The following FBXL7 variants were observed in gnomAD, a reference collection of about 807,000 sequenced individuals.
FBXL7 encodes the protein F-box/LRR-repeat protein 7.
FBXL7 carries 12 observed loss-of-function variants against 38.3 expected under a neutral mutation model. The ratio of observed to expected loss-of-function variants is 0.31; its 90% CI spans 0.20 to 0.51. The LOEUF (loss-of-function observed/expected upper bound fraction) is 0.51, where lower values mean the gene tolerates loss of function less well. Among genes scored for constraint, FBXL7 ranks in the 20% least tolerant of loss-of-function variants. FBXL7 has a pLI of 0.98. For synonymous variants in FBXL7, 297 were observed against 300.9 expected, an observed-to-expected ratio of 0.99 and a Z score of 0.13; for missense variants, 567 against 676.4, an observed-to-expected ratio of 0.84 and a Z score of 1.79.
chr5:15,796,477 A>G (rs1737418837), intron 2 of FBXL7, among the ~76,000 whole-genome samples: 1 of 104,330 alleles, frequency 9.6e-6, no homozygotes. Context: ...ATCTTGTTAC[A>G]GAAAAAAAAA....
In FBXL7 at chr5:15,505,775, AG is replaced by A. The variant is rs1225408485; in HGVS notation, c.37+5064del. Among the ~76,000 whole-genome samples, 3 of 152,318 alleles carry A rather than the reference AG, an allele frequency of 2.0e-5. No individual in the cohort carries two copies. The East Asian group carries it at 5.8e-4, about 29-fold the overall frequency. ...ATGATGGGCTGAGCTTTGAGGATCC[AG>A]GTAGCATGCTGGCTGCTACTTTTAA... On this transcript the variant is annotated intron_variant, in intron 1 of 3. Coordinates refer to ENST00000504595, the MANE Select transcript of FBXL7 (RefSeq NM_012304.5).
At chr5:15,610,898 CAAAAG>C (rs1331605298) in intron 1 of FBXL7, among the ~76,000 whole-genome samples, 1 of 152,082 alleles carries the variant, frequency 6.6e-6, no homozygotes, top group East Asian at 1.9e-4. Context: ...GCTGAAGAAA[CAAAAG>C]AAACTACAAT....
In FBXL7 at chr5:15,904,924, C is replaced by T. The variant is rs531351730; in HGVS notation, c.128-22966C>T. On this transcript the variant is annotated intron_variant, in intron 2 of 3. Coordinates refer to ENST00000504595, the MANE Select transcript of FBXL7 (RefSeq NM_012304.5). Reference sequence around the variant, plus strand: ...GTAGTATGTAAAATATCAACATAAACGATGAGCCAGAATCCACCATTCTTT... The same window carrying T: ...GTAGTATGTAAAATATCAACATAAATGATGAGCCAGAATCCACCATTCTTT... Among the ~76,000 whole-genome samples the T allele has an allele frequency of 5.3e-5, 8 of 152,198 alleles. No individual in the cohort carries two copies. In the East Asian group the frequency reaches 1.4e-3, roughly 26 times the overall value.
rs528038310 is a variant in FBXL7 at position 15,905,561 on chromosome 5, A to T, written c.128-22329A>T. Among the ~76,000 whole-genome samples, 7 of 151,450 alleles carry T rather than the reference A, an allele frequency of 4.6e-5. No individual in the cohort carries two copies. In the South Asian group the frequency reaches 1.3e-3, roughly 27 times the overall value. On this transcript the variant is annotated intron_variant, in intron 2 of 3. Transcript: ENST00000504595. ...TGTATCTTCAGTCCTCTTTGCTTTTACTAATTTAACAGAGAGATATTTAAA... is the reference window on the plus strand; with the variant it reads ...TGTATCTTCAGTCCTCTTTGCTTTTTCTAATTTAACAGAGAGATATTTAAA...
At chr5:15,770,193 G>A (rs1736691999) in intron 2 of FBXL7, among the ~76,000 whole-genome samples, 1 of 152,120 alleles carries the variant, frequency 6.6e-6, no homozygotes, top group Non-Finnish European at 1.5e-5. Context: ...TTGTGTCCTG[G>A]TGTCCACTTG....
At chr5:15,900,188 A>G (rs1414779951) in intron 2 of FBXL7, among the ~76,000 whole-genome samples, 2 of 152,156 alleles carry the variant, frequency 1.3e-5, no homozygotes, top group Non-Finnish European at 2.9e-5. Flanking sequence ...CTGTACAAAC[A>G]CTGGATCCAG....
chr5:15,569,801 C>T (rs540735309), intron 1 of FBXL7, among the ~76,000 whole-genome samples: 7 of 152,042 alleles, frequency 4.6e-5, no homozygotes, highest in East Asian at 3.9e-4. Context: ...TAGCATGAAG[C>T]GTTGTTGAAT....
intron 2 of FBXL7, among the ~76,000 whole-genome samples, chr5:15,887,270 C>T (rs1740716000): frequency 6.6e-6 from 1 of 152,068 alleles, no homozygotes; most frequent in African/African-American, 2.4e-5. Context: ...TTTATGACAG[C>T]ACAAAAGAGC....
intron 2 of FBXL7, among the ~76,000 whole-genome samples, chr5:15,738,084 G>A (rs1213640562): frequency 6.6e-6 from 1 of 152,122 alleles, no homozygotes; most frequent in African/African-American, 2.4e-5. Flanking sequence ...ACTTGTTTGG[G>A]AGGCACCGTA....
At chr5:15,694,448 A>G (rs1054868056) in intron 2 of FBXL7, among the ~76,000 whole-genome samples, 3 of 152,190 alleles carry the variant, frequency 2.0e-5, no homozygotes, top group African/African-American at 7.2e-5. Context: ...GGTAATGACA[A>G]TGCTGAGATG....
intron 2 of FBXL7, among the ~76,000 whole-genome samples, chr5:15,829,703 G>A (rs1262548987): frequency 6.6e-6 from 1 of 152,108 alleles, no homozygotes; most frequent in African/African-American, 2.4e-5. Flanking sequence ...TCCTCACTCA[G>A]TCTGTATTTT....
chr5:15,770,053 A>G (rs1462298600), intron 2 of FBXL7, among the ~76,000 whole-genome samples: 1 of 152,204 alleles, frequency 6.6e-6, no homozygotes, highest in Non-Finnish European at 1.5e-5. Flanking sequence ...ATTATAATTT[A>G]ATGATCCATA....
intron 1 of FBXL7, among the ~76,000 whole-genome samples, chr5:15,598,697 CAG>C (rs1344662856): frequency 2.0e-5 from 3 of 151,990 alleles, no homozygotes; most frequent in African/African-American, 7.3e-5. Context: ...TGGTTATATC[CAG>C]AGAGAGAGAA....
intron 1 of FBXL7, among the ~76,000 whole-genome samples, chr5:15,509,179 A>G (rs1192772566): frequency 6.6e-6 from 1 of 152,242 alleles, no homozygotes; most frequent in African/African-American, 2.4e-5. Context: ...ACTTTTGTAT[A>G]GCACAGGGTC....
At chr5:15,810,146 T>C (rs1278054487) in intron 2 of FBXL7, among the ~76,000 whole-genome samples, 1 of 152,228 alleles carries the variant, frequency 6.6e-6, no homozygotes, top group Admixed American at 6.5e-5. Context: ...AGTTAAAATA[T>C]TCAAAATTGA....
chr5:15,568,756 T>G (rs1738671795), intron 1 of FBXL7, among the ~76,000 whole-genome samples: 1 of 152,192 alleles, frequency 6.6e-6, no homozygotes, highest in Admixed American at 6.5e-5. Context: ...CATCTTGAAT[T>G]AATTTTTGTA....
intron 1 of FBXL7, chr5:15,606,811 CT>C (rs1740040982): frequency 6.6e-6 from 1 of 152,188 alleles, no homozygotes; most frequent in African/African-American, 2.4e-5. Context: ...AAACAGAGTG[CT>C]TAGGATTCTC....
intron 2 of FBXL7, among the ~76,000 whole-genome samples, chr5:15,918,538 A>T (rs1162003873): frequency 6.6e-6 from 1 of 152,254 alleles, no homozygotes; most frequent in Non-Finnish European, 1.5e-5. Context: ...CTGTATGAAT[A>T]TTCCCTTCTA....
intron 2 of FBXL7, among the ~76,000 whole-genome samples, chr5:15,801,656 TGCGCGCGCGC>T (rs200772597): frequency 6.8e-6 from 1 of 146,914 alleles, no homozygotes; most frequent in African/African-American, 2.5e-5. Context: ...TGTGTGTGTG[TGCGCGCGCGC>T]GTGTGTGTGT....
Sources: allele counts gnomAD v4.1 joint callset (sites outside exome capture counted in the v4.1 genomes callset), GRCh38; gene constraint gnomAD v4.1.1; transcripts MANE v1.5; gene names NCBI Gene and HGNC (gene_info 2026-07-23, HGNC 2026-07-21).